The following MTMR14 variants were observed in gnomAD, a reference collection of about 807,000 sequenced individuals.
The protein encoded by MTMR14 is phosphatidylinositol-3,5-bisphosphate 3-phosphatase MTMR14.
In MTMR14, 48 loss-of-function variants were observed where a neutral mutation model predicts 86.3. The observed-to-expected ratio is 0.56, with a 90% confidence interval of 0.44 to 0.71. MTMR14 has a LOEUF of 0.71. Ranked by LOEUF, MTMR14 falls within the 30% of genes least tolerant of loss-of-function variation. The pLI, the probability that MTMR14 is intolerant of heterozygous loss-of-function variation, is 0.00. For missense variants in MTMR14, 780 were observed against 834.6 expected, an observed-to-expected ratio of 0.93 and a Z score of 0.81; for synonymous variants, 366 against 326.1, an observed-to-expected ratio of 1.12 and a Z score of -1.32.
At position 9,650,344 on chromosome 3, in the gene MTMR14, C is replaced by T. The variant is rs540588228; in HGVS notation, c.159+602C>T. 3.4e-4 allele frequency: 157 copies of T among 456,670 alleles called. 2 individuals are homozygous for T. Among genetic ancestry groups the T allele is most frequent in the South Asian group, 2.1e-3 (137 of 64,560 alleles). The allele number at this position is 456,670 out of a possible 1,614,324, so 28.3% of individuals were successfully genotyped here. ...TCCACCCAGTCGTCTTATCGCCAGA[C>T]CTGGAGGGCTTCCTGTCAGCTCAGG... is the stretch of plus-strand genomic sequence containing the variant. On this transcript the variant is annotated intron_variant, in intron 1 of 18. Transcript: ENST00000296003.
intron 13 of MTMR14, 105 bp downstream of exon 13, chr3:9,685,352 T>C (rs1210758513): frequency 9.7e-6 from 13 of 1,341,342 alleles, no homozygotes; most frequent in Non-Finnish European, 1.4e-5. Context: ...TTGCCCCAGG[T>C]GTGCAGGGAT....
rs972405827 is a variant in MTMR14 at position 9,702,097 on chromosome 3, A to G, written c.*124A>G. 3.0e-5 allele frequency: 38 copies of G among 1,267,652 alleles called. No individual in the cohort carries two copies. Among genetic ancestry groups the G allele is most frequent in the Non-Finnish European group, 4.2e-5 (37 of 890,248 alleles). 78.5% of individuals were successfully genotyped at this position (1,267,652 alleles called of 1,614,324 possible). ...GAAATTTCAGTCCCCCATCTCCATC[A>G]TGAACATGGCAGCCCCAAAGCTGAG... On this transcript the variant is annotated 3_prime_UTR_variant, in exon 19 of 19. Transcript: ENST00000296003.
chr3:9,696,023 T>C (rs1370289105), intron 17 of MTMR14, among the ~76,000 whole-genome samples: 3 of 152,220 alleles, frequency 2.0e-5, no homozygotes, highest in Non-Finnish European at 2.9e-5. Flanking sequence ...CATATCCCGT[T>C]CTCATCCCTA....
chr3:9,664,081 G>T (rs572799206), intron 3 of MTMR14, among the ~76,000 whole-genome samples: 2 of 151,946 alleles, frequency 1.3e-5, no homozygotes, highest in African/African-American at 4.8e-5. Flanking sequence ...GAGCCACCAC[G>T]CCTGGCCTGC....
chr3:9,672,089 A>T (rs1328882311), intron 6 of MTMR14, among the ~76,000 whole-genome samples: 1 of 152,230 alleles, frequency 6.6e-6, no homozygotes, highest in Non-Finnish European at 1.5e-5. Flanking sequence ...TTTGGCTCTC[A>T]TCTCATTCCT....
intron 3 of MTMR14, among the ~76,000 whole-genome samples, chr3:9,668,028 C>T (rs1326294198): frequency 6.6e-6 from 1 of 152,154 alleles, no homozygotes; most frequent in Non-Finnish European, 1.5e-5. Context: ...ATTCCCCCCA[C>T]CCAACTAGAT....
At chr3:9,672,779 G>A in intron 7 of MTMR14, 21 bp downstream of exon 7, 1 of 1,612,044 alleles carries the variant, frequency 6.2e-7, no homozygotes, top group Non-Finnish European at 8.5e-7. Context: ...CTCTTCTAGT[G>A]GCAGGCATCC....
intron 2 of MTMR14, chr3:9,659,916 C>T: frequency 4.5e-6 from 2 of 443,556 alleles, no homozygotes; most frequent in South Asian, 3.2e-5. Context: ...CTGAGAAATC[C>T]ACCTTGGTTT....
At chr3:9,685,856 C>T (rs528239080) in intron 13 of MTMR14, among the ~76,000 whole-genome samples, 12 of 152,180 alleles carry the variant, frequency 7.9e-5, no homozygotes, top group Admixed American at 7.2e-4. Flanking sequence ...CCTTGCAATG[C>T]AGGTCTGGAG....
In MTMR14 at chr3:9,649,858, G is replaced by GGA. The variant is rs140596074; in HGVS notation, c.159+128_159+129dup. ...AGTGGTACCTCGCCGCTGAGGAAGA[G>GGA]GAGAGAGAGAGAGGAGTTCTCCAGG... On this transcript the variant is annotated intron_variant, in intron 1 of 18. Transcript: ENST00000296003. 155 of 1,531,608 alleles carry GGA rather than the reference G, an allele frequency of 1.0e-4. 1 individual carries two copies. Among genetic ancestry groups the GGA allele is most frequent in the South Asian group, 2.5e-4 (21 of 83,366 alleles). 94.9% of individuals were successfully genotyped at this position (1,531,608 alleles called of 1,614,324 possible).
At chr3:9,654,607 C>T (rs966757769) in intron 2 of MTMR14, among the ~76,000 whole-genome samples, 2 of 152,308 alleles carry the variant, frequency 1.3e-5, no homozygotes, top group Admixed American at 6.5e-5. Flanking sequence ...TCCCTACTTC[C>T]TGCTGATTTT....
chr3:9,650,737 C>T (rs1344026674), intron 1 of MTMR14, among the ~76,000 whole-genome samples: 1 of 151,720 alleles, frequency 6.6e-6, no homozygotes, highest in African/African-American at 2.4e-5. Context: ...CTTAGTCCCA[C>T]CCAGTCCTAC....
intron 3 of MTMR14, among the ~76,000 whole-genome samples, chr3:9,665,299 A>T (rs1261261583): frequency 6.6e-6 from 1 of 150,906 alleles, no homozygotes; most frequent in African/African-American, 2.4e-5. Context: ...AAAAAAAAAA[A>T]GTCTCACGTA....
At chr3:9,661,305 G>C (rs994530156) in intron 2 of MTMR14, among the ~76,000 whole-genome samples, 7 of 152,196 alleles carry the variant, frequency 4.6e-5, no homozygotes, top group African/African-American at 1.4e-4. Flanking sequence ...AGATGAAACT[G>C]TTCCACCTCA....
intron 9 of MTMR14, among the ~76,000 whole-genome samples, chr3:9,680,836 C>T (rs1451144935): frequency 1.3e-5 from 2 of 148,824 alleles, no homozygotes; most frequent in Admixed American, 6.7e-5. Context: ...GACTCCGTCT[C>T]AAAAAAACAA....
At chr3:9,667,021 C>A (rs944044987) in intron 3 of MTMR14, among the ~76,000 whole-genome samples, 1 of 152,110 alleles carries the variant, frequency 6.6e-6, no homozygotes. Flanking sequence ...TTTTGCTGGC[C>A]TAGGTCTGGC....
In MTMR14 at chr3:9,683,620, A is replaced by AG. The variant is rs2075842612; in HGVS notation, c.964+378dup. 16 of 253,702 alleles carry AG rather than the reference A, an allele frequency of 6.3e-5. 1 individual carries two copies. The South Asian group carries it at 7.0e-4, about 11-fold the overall frequency. The allele number at this position is 253,702 out of a possible 1,614,324, so 15.7% of individuals were successfully genotyped here. A position where few individuals can be genotyped will look rare whatever the true frequency, so the allele number is the denominator to read the frequency against. On this transcript the variant is annotated intron_variant, in intron 10 of 18. Coordinates refer to ENST00000296003, the MANE Select transcript of MTMR14 (RefSeq NM_001077525.3). ...CTCAGTGGATGCACACAGCCTGTAG[A>AG]GGCCCTGTTCTCCAGAGTCCTCCAC...
intron 3 of MTMR14, among the ~76,000 whole-genome samples, chr3:9,664,668 G>A (rs1262448081): frequency 1.3e-5 from 2 of 152,124 alleles, no homozygotes; most frequent in African/African-American, 2.4e-5. Context: ...AACTTCACAT[G>A]TTCTCACTTA....
At chr3:9,661,593 T>A (rs935749602) in intron 2 of MTMR14, among the ~76,000 whole-genome samples, 1 of 152,066 alleles carries the variant, frequency 6.6e-6, no homozygotes, top group Non-Finnish European at 1.5e-5. Flanking sequence ...ACAAAAATGG[T>A]CCTGTGATTT....
Sources: gnomAD v4.1 joint callset for allele counts (sites outside exome capture counted in the v4.1 genomes callset) on GRCh38, gnomAD v4.1.1 for gene constraint, MANE v1.5 for transcripts, NCBI Gene and HGNC (gene_info 2026-07-23, HGNC 2026-07-21) for gene names.